PPP3CA: variants seen among roughly 807,000 people sequenced by gnomAD.
The protein encoded by PPP3CA is CAM-PRP catalytic subunit.
A neutral mutation model predicts 66.5 loss-of-function variants in PPP3CA; 14 were observed. The observed-to-expected ratio is 0.21, with a 90% CI of 0.14 to 0.33. PPP3CA has a LOEUF of 0.33. Among genes scored for constraint, PPP3CA ranks in the 10% least tolerant of loss-of-function variants. PPP3CA has a pLI of 1.00. For synonymous variants in PPP3CA, 232 were observed against 226.2 expected (o/e 1.03, Z -0.23); for missense variants, 317 against 639.5 (o/e 0.50, Z 5.44).
intron 1 of PPP3CA, among the ~76,000 whole-genome samples, chr4:101,242,529 GT>G (rs1726344172): frequency 3.1e-5 from 3 of 95,446 alleles, no homozygotes; most frequent in Admixed American, 2.7e-4. Context: ...GAAAATATTG[GT>G]TTAAATAAAA....
intron 10 of PPP3CA, among the ~76,000 whole-genome samples, chr4:101,056,853 C>T (rs1183078072): frequency 7.4e-6 from 1 of 134,402 alleles, no homozygotes; most frequent in Non-Finnish European, 1.6e-5. Flanking sequence ...AAAAAAAAAA[C>T]AACTCACTTC....
chr4:101,195,945 T>A lies in PPP3CA; in HGVS notation c.230A>T (p.Asn77Ile). The A allele has an allele frequency of 6.2e-7, 1 of 1,613,826 alleles. No individual in the cohort carries two copies. The highest frequency in any genetic ancestry group is 8.5e-7 in the Non-Finnish European group (1 of 1,179,884). Residue 77 changes from asparagine (N) to isoleucine (I), a missense_variant, in exon 2 of 14, where the codon AAT (asparagine) becomes ATT (isoleucine). This residue lies in a region of PPP3CA where 76 missense variants were observed against 99.5 expected (regional missense o/e 0.76). Coordinates refer to ENST00000394854, the MANE Select transcript of PPP3CA (RefSeq NM_000944.5). ...EGASILRQEK[N>I]LLDIDAPVTV... ...GACTGGCGCATCAATATCCAGCAAA[T>A]TTTTTTCCTGTCGAAGAATTGATGC...
chr4:101,041,900 T>C (rs995869495), intron 10 of PPP3CA, among the ~76,000 whole-genome samples: 6 of 152,008 alleles, frequency 3.9e-5, no homozygotes, highest in Non-Finnish European at 5.9e-5. Flanking sequence ...CTAATCCAAA[T>C]GAACAGTTTG....
intron 1 of PPP3CA, among the ~76,000 whole-genome samples, chr4:101,273,137 G>GGT (rs1727383848): frequency 4.2e-4 from 9 of 21,476 alleles, no homozygotes; most frequent in Admixed American, 2.8e-3. Context: ...AAGTAGGATA[G>GGT]ATATTGTTTT....
intron 1 of PPP3CA, among the ~76,000 whole-genome samples, chr4:101,270,725 G>A (rs1273201501): frequency 6.6e-5 from 10 of 152,024 alleles, no homozygotes; most frequent in Admixed American, 5.2e-4. Context: ...ATTTACAGGT[G>A]GGCTAGTGAA....
chr4:101,195,906 C>T lies in PPP3CA; in HGVS notation c.259+10G>A. ...TATACAAGTGGGCAACCTCCCTCCT[C>T]AGGACTTACCAGTGACTGGCGCATC... On this transcript the variant is annotated intron_variant, in intron 2 of 13. Transcript: ENST00000394854. 1.2e-6 allele frequency: 2 copies of T among 1,612,856 alleles called. No individual in the cohort carries two copies. The highest frequency in any genetic ancestry group is 1.7e-6 in the Non-Finnish European group (2 of 1,179,226).
intron 1 of PPP3CA, among the ~76,000 whole-genome samples, chr4:101,213,133 T>C (rs1725351041): frequency 6.6e-6 from 1 of 152,186 alleles, no homozygotes; most frequent in African/African-American, 2.4e-5. Flanking sequence ...ATACCATCAG[T>C]AAAACTAGCC....
chr4:101,321,526 C>A (rs575267435), intron 1 of PPP3CA, among the ~76,000 whole-genome samples: 1 of 152,146 alleles, frequency 6.6e-6, no homozygotes, highest in African/African-American at 2.4e-5. Context: ...ATTCCATCTT[C>A]GGTAATGACA....
intron 10 of PPP3CA, among the ~76,000 whole-genome samples, chr4:101,048,850 G>A (rs1727888221): frequency 6.6e-6 from 1 of 151,954 alleles, no homozygotes; most frequent in Admixed American, 6.6e-5. Flanking sequence ...TTTGGCATAA[G>A]GCTATTCTGT....
At chr4:101,297,546 C>T (rs1270470125) in intron 1 of PPP3CA, among the ~76,000 whole-genome samples, 3 of 152,118 alleles carry the variant, frequency 2.0e-5, no homozygotes, top group African/African-American at 7.2e-5. Context: ...GCATCATGGC[C>T]AATTGTACCT....
chr4:101,157,717 G>A (rs1723368976), intron 2 of PPP3CA, among the ~76,000 whole-genome samples: 1 of 152,122 alleles, frequency 6.6e-6, no homozygotes, highest in African/African-American at 2.4e-5. Context: ...AGAATGTAAA[G>A]TTTGTTCAAT....
chr4:101,165,323 T>C (rs765924136), intron 2 of PPP3CA, among the ~76,000 whole-genome samples: 4 of 152,186 alleles, frequency 2.6e-5, no homozygotes, highest in African/African-American at 7.2e-5. Flanking sequence ...TTCCCAAACA[T>C]TGAAAAATGA....
intron 1 of PPP3CA, among the ~76,000 whole-genome samples, chr4:101,204,802 A>G (rs1347964312): frequency 6.6e-6 from 1 of 151,830 alleles, no homozygotes; most frequent in East Asian, 1.9e-4. Context: ...TAGAATTATA[A>G]ATATTAAATG....
At position 101,046,399 on chromosome 4, in the gene PPP3CA, G is replaced by C. The variant is rs373762540; in HGVS notation, c.1157-5833C>G. Among the ~76,000 whole-genome samples the C allele has an allele frequency of 8.5e-4, 129 of 152,090 alleles. 1 individual carries two copies. In the South Asian group the frequency reaches 0.026, roughly 31 times the overall value. On this transcript the variant is annotated intron_variant, in intron 10 of 13. Transcript: ENST00000394854. ...AAACACTAGCAGACCTTTCCCAATT[G>C]ATCATTATATCGGCCATGAGCTTTT...
At chr4:101,155,357 C>A (rs780104736) in intron 2 of PPP3CA, among the ~76,000 whole-genome samples, 5 of 152,134 alleles carry the variant, frequency 3.3e-5, no homozygotes, top group Non-Finnish European at 7.4e-5. Flanking sequence ...ATGTAGAGCA[C>A]CTTTATCAAA....
intron 1 of PPP3CA, among the ~76,000 whole-genome samples, chr4:101,239,832 G>A (rs921027476): frequency 1.4e-4 from 22 of 151,938 alleles, no homozygotes; most frequent in African/African-American, 5.3e-4. Context: ...AATTACATCA[G>A]GGATTCCATA....
chr4:101,173,179 A>G (rs983406988), intron 2 of PPP3CA, among the ~76,000 whole-genome samples: 1 of 152,142 alleles, frequency 6.6e-6, no homozygotes, highest in East Asian at 1.9e-4. Context: ...GATTAATGGA[A>G]CAGGGCTTTT....
At chr4:101,072,598 C>A (rs1286945378) in intron 8 of PPP3CA, among the ~76,000 whole-genome samples, 1 of 152,086 alleles carries the variant, frequency 6.6e-6, no homozygotes, top group Non-Finnish European at 1.5e-5. Flanking sequence ...GTGTCTGGCA[C>A]ATAATAAGTG....
intron 7 of PPP3CA, among the ~76,000 whole-genome samples, chr4:101,081,372 A>C (rs1729431999): frequency 6.6e-6 from 1 of 152,156 alleles, no homozygotes; most frequent in Non-Finnish European, 1.5e-5. Flanking sequence ...GGTAATATTT[A>C]ATCAATCAGT....
Sources: gnomAD v4.1 joint callset for allele counts (sites outside exome capture counted in the v4.1 genomes callset) on GRCh38, gnomAD v4.1.1 for gene constraint, gnomAD v4.1.1 regional missense constraint, MANE v1.5 for transcripts, NCBI Gene and HGNC (gene_info 2026-07-23, HGNC 2026-07-21) for gene names.